The following DNAJC13 variants were observed in gnomAD, a reference collection of about 807,000 sequenced individuals.
DNAJC13 encodes the protein dnaJ homolog subfamily C member 13.
In DNAJC13, 75 loss-of-function variants were observed where a neutral mutation model predicts 290.5. The ratio of observed to expected loss-of-function variants is 0.26; its 90% confidence interval spans 0.21 to 0.31. The LOEUF (loss-of-function observed/expected upper bound fraction) is 0.31. Ranked by LOEUF, DNAJC13 falls within the 10% of genes least tolerant of loss-of-function variation. The pLI, the probability that DNAJC13 is intolerant of heterozygous loss-of-function variation, is 1.00. For synonymous variants in DNAJC13, 862 were observed against 892.0 expected (o/e 0.97, Z 0.60); for missense variants, 2,260 against 2,674.5 (o/e 0.85, Z 3.42).
At position 132,460,240 on chromosome 3, in the gene DNAJC13, TCA is replaced by T; in HGVS notation, c.1450-9_1450-8del. 1.9e-6 allele frequency: 3 copies of T among 1,552,722 alleles called. No individual in the cohort carries two copies. Among genetic ancestry groups the T allele is most frequent in the Admixed American group, 1.9e-5 (1 of 53,018 alleles). ...ATGAATTATCACTGTTTTTTTTTTT[TCA>T]TCAATAGCCCATGCATGATGACTAT... is the stretch of plus-strand genomic sequence containing the variant. On this transcript the variant is annotated splice_polypyrimidine_tract_variant and splice_region_variant and intron_variant, in intron 13 of 55. Coordinates refer to ENST00000260818, the MANE Select transcript of DNAJC13 (RefSeq NM_015268.4).
chr3:132,475,131 T>C (rs535660153), intron 22 of DNAJC13, 46 bp downstream of exon 22: 23 of 1,432,350 alleles, frequency 1.6e-5, no homozygotes, highest in Non-Finnish European at 2.1e-5. Context: ...AAATAAAGCA[T>C]GTACTATTTG....
chr3:132,419,007 C>T (rs980457585), intron 1 of DNAJC13, among the ~76,000 whole-genome samples: 3 of 152,202 alleles, frequency 2.0e-5, no homozygotes, highest in East Asian at 1.9e-4. Context: ...GCTTATCTAT[C>T]ATATAACGTA....
intron 5 of DNAJC13, among the ~76,000 whole-genome samples, chr3:132,450,136 C>CAAAT (rs766232711): frequency 6.6e-6 from 1 of 150,920 alleles, no homozygotes; most frequent in Non-Finnish European, 1.5e-5. Context: ...AGCCTAAGGT[C>CAAAT]AAATACAGGC....
chr3:132,470,610 G>A (rs1223379716), intron 20 of DNAJC13, among the ~76,000 whole-genome samples: 7 of 111,852 alleles, frequency 6.3e-5, no homozygotes, highest in African/African-American at 2.1e-4. Context: ...CTGGCCGGGC[G>A]GGGGGGCTGA....
chr3:132,519,283 G>A (rs761207338), intron 48 of DNAJC13, among the ~76,000 whole-genome samples: 4 of 151,968 alleles, frequency 2.6e-5, no homozygotes, highest in Non-Finnish European at 5.9e-5. Context: ...CTTCTCTAAC[G>A]CTTGTTATAT....
intron 20 of DNAJC13, among the ~76,000 whole-genome samples, chr3:132,471,335 C>CG (rs1192518902): frequency 7.5e-6 from 1 of 133,846 alleles, no homozygotes; most frequent in Non-Finnish European, 1.6e-5. Flanking sequence ...GCTGGCCGGG[C>CG]GGGGGGTTGA....
At chr3:132,430,119 A>G (rs1576454996) in intron 1 of DNAJC13, among the ~76,000 whole-genome samples, 1 of 152,026 alleles carries the variant, frequency 6.6e-6, no homozygotes. Flanking sequence ...TTAATGTGTT[A>G]TATCTTCTCA....
chr3:132,422,036 T>C lies in DNAJC13; in HGVS notation c.-14+4276T>C, dbSNP rs1041944993. Among the ~76,000 whole-genome samples the C allele has an allele frequency of 1.1e-3, 161 of 144,658 alleles. 1 individual carries two copies. Among genetic ancestry groups the C allele is most frequent in the Non-Finnish European group, 1.8e-3 (118 of 65,210 alleles). 94.9% of individuals were successfully genotyped at this position (144,658 alleles called of 152,430 possible). On this transcript the variant is annotated intron_variant, in intron 1 of 55. Transcript: ENST00000260818. ...GACTTCTGGACTTTTTTCTTTTTCCTTTTTTTTTTTCTTTTTTCAGACCTC... is the reference window on the plus strand; with the variant it reads ...GACTTCTGGACTTTTTTCTTTTTCCCTTTTTTTTTTCTTTTTTCAGACCTC...
chr3:132,456,197 C>G (rs1360567571), intron 9 of DNAJC13, 38 bp from the exon 10 acceptor site: 2 of 1,592,216 alleles, frequency 1.3e-6, no homozygotes, highest in Non-Finnish European at 1.7e-6. Flanking sequence ...CCTTAATCAT[C>G]AATGCTAAAA....
rs954213153 is a variant in DNAJC13, at chr3:132,447,289, G to C, written c.145-32G>C. 8 of 1,498,838 alleles carry C rather than the reference G, an allele frequency of 5.3e-6. 1 individual carries two copies. The highest frequency in any genetic ancestry group is 7.1e-6 in the Non-Finnish European group (8 of 1,130,696). 92.8% of individuals were successfully genotyped at this position (1,498,838 alleles called of 1,614,324 possible). A position where few individuals can be genotyped will look rare whatever the true frequency, so the allele number is the denominator to read the frequency against. On this transcript the variant is annotated intron_variant, in intron 3 of 55. Transcript: ENST00000260818. ...AAGCATTACATTTTACTGTATTATA[G>C]TAGCACCAGTCAAAATTTTTTTTTT...
In DNAJC13 at chr3:132,507,329, T is replaced by C. The variant is rs765698754; in HGVS notation, c.5091T>C (p.Asn1697=). ...IVGEIFVRVY[N]EVPTFQLEVP... ...GGGAGATTTTTGTTAGGGTGTATAA[T>C]GAAGTTCCTACTTTCCAACTGGAGG... Residue 1697 remains asparagine, a synonymous_variant, in exon 43 of 56, where the codon AAT becomes AAC. Coordinates refer to ENST00000260818, the MANE Select transcript of DNAJC13 (RefSeq NM_015268.4). 56 of 1,607,836 alleles carry C rather than the reference T, an allele frequency of 3.5e-5. No individual in the cohort carries two copies. Among genetic ancestry groups the C allele is most frequent in the Non-Finnish European group, 4.7e-5 (55 of 1,174,570 alleles).
At chr3:132,478,366 A>G (rs1045098846) in intron 24 of DNAJC13, among the ~76,000 whole-genome samples, 3 of 152,224 alleles carry the variant, frequency 2.0e-5, no homozygotes, top group African/African-American at 7.2e-5. Flanking sequence ...ACTGTTTTCA[A>G]ATGACTTTAG....
At chr3:132,530,154 C>T (rs1208774257) in intron 54 of DNAJC13, among the ~76,000 whole-genome samples, 1 of 152,140 alleles carries the variant, frequency 6.6e-6, no homozygotes, top group Non-Finnish European at 1.5e-5. Context: ...GCAGGTGCCC[C>T]CCTCCCTTGG....
chr3:132,466,233 T>C, intron 18 of DNAJC13, 66 bp from the exon 19 acceptor site: 1 of 1,517,238 alleles, frequency 6.6e-7, no homozygotes, highest in Non-Finnish European at 8.9e-7. Context: ...AGTATTAATT[T>C]ATTTGGGTTT....
At chr3:132,533,462 A>G (rs935894501) in intron 55 of DNAJC13, among the ~76,000 whole-genome samples, 1 of 151,598 alleles carries the variant, frequency 6.6e-6, no homozygotes, top group East Asian at 1.9e-4. Flanking sequence ...TAGCCTCACA[A>G]GTAGCTGAGA....
chr3:132,499,052 A>G lies in DNAJC13; in HGVS notation c.4157-74A>G, dbSNP rs1319244851. ...TTTTTAAGGCAACATATTCTTGAACATGGTATCAAAATTGAAACCACAACA... is the reference window on the plus strand; with the variant it reads ...TTTTTAAGGCAACATATTCTTGAACGTGGTATCAAAATTGAAACCACAACA... On this transcript the variant is annotated intron_variant, in intron 36 of 55. Coordinates refer to ENST00000260818, the MANE Select transcript of DNAJC13 (RefSeq NM_015268.4). The G allele has an allele frequency of 5.3e-5, 69 of 1,310,164 alleles. No homozygotes were observed. The South Asian group carries it at 7.7e-4, about 15-fold the overall frequency. The allele number at this position is 1,310,164 out of a possible 1,614,324, so 81.2% of individuals were successfully genotyped here.
At chr3:132,434,384 CA>C (rs761665933) in intron 1 of DNAJC13, among the ~76,000 whole-genome samples, 153 bp from the exon 2 acceptor site, 94 of 94,490 alleles carry the variant, frequency 9.9e-4, no homozygotes, top group Middle Eastern at 5.9e-3. Flanking sequence ...AGACTCATCT[CA>C]AAAAAAAAAA....
chr3:132,466,843 A>G (rs903253465), intron 19 of DNAJC13, among the ~76,000 whole-genome samples: 1 of 152,206 alleles, frequency 6.6e-6, no homozygotes, highest in African/African-American at 2.4e-5. Flanking sequence ...AGGTTGGGCC[A>G]TCCATGGAAA....
intron 15 of DNAJC13, among the ~76,000 whole-genome samples, chr3:132,462,051 TACAAATTCCCAAATGATA>T (rs999060067): frequency 6.6e-6 from 1 of 152,156 alleles, no homozygotes; most frequent in African/African-American, 2.4e-5. Flanking sequence ...CCCTTTTCTT[TACAAATTCCCAAATGATA>T]AAATGAGCTT....
Sources: gnomAD v4.1 joint callset for allele counts (sites outside exome capture counted in the v4.1 genomes callset) on GRCh38, gnomAD v4.1.1 for gene constraint, MANE v1.5 for transcripts, NCBI Gene and HGNC (gene_info 2026-07-23, HGNC 2026-07-21) for gene names.